Variants in NFIA observed in about 807,000 individuals in gnomAD.
NFIA encodes nuclear factor 1 A-type.
NFIA carries 8 observed loss-of-function variants against 62.8 expected under a neutral mutation model. The observed-to-expected ratio is 0.13, with a 90% CI of 0.07 to 0.23. The LOEUF (loss-of-function observed/expected upper bound fraction) is 0.23. Among genes scored for constraint, NFIA ranks in the 10% least tolerant of loss-of-function variants. The pLI is 1.00. For synonymous variants in NFIA, 235 were observed against 238.1 expected, an observed-to-expected ratio of 0.99 and a Z score of 0.12; for missense variants, 410 against 642.1, an observed-to-expected ratio of 0.64 and a Z score of 3.91.
chr1:61,218,379 C>T (rs897493403), intron 2 of NFIA, among the ~76,000 whole-genome samples: 4 of 152,118 alleles, frequency 2.6e-5, no homozygotes, highest in Non-Finnish European at 4.4e-5. Flanking sequence ...GGAGTATAGT[C>T]GTCGCTTGGT....
intron 6 of NFIA, among the ~76,000 whole-genome samples, chr1:61,368,959 T>G (rs1328310974): frequency 1.3e-5 from 2 of 152,206 alleles, no homozygotes; most frequent in African/African-American, 4.8e-5. Context: ...GTTAAATAAG[T>G]ACCCAATGGC....
In NFIA at chr1:61,458,112, T is replaced by C. The variant is rs1481399998; in HGVS notation, c.*2792T>C. 6.6e-6 allele frequency: 1 copy of C among 151,878 alleles called. No individual in the cohort carries two copies. Among genetic ancestry groups the C allele is most frequent in the African/African-American group, 2.4e-5 (1 of 41,328 alleles). The allele number at this position is 151,878 out of a possible 1,614,324, so 9.4% of individuals were successfully genotyped here. A position where few individuals can be genotyped will look rare whatever the true frequency, so the allele number is the denominator to read the frequency against. On this transcript the variant is annotated 3_prime_UTR_variant, in exon 11 of 11. Transcript: ENST00000403491. ...ATTGTCAGTGTATGGTGTCACTTCC[T>C]ATAGCCAGCCAGCATACTTTGCCTT...
At chr1:61,169,530 A>G (rs1466078012) in intron 2 of NFIA, among the ~76,000 whole-genome samples, 1 of 152,210 alleles carries the variant, frequency 6.6e-6, no homozygotes, top group Non-Finnish European at 1.5e-5. Flanking sequence ...CACAATTTCC[A>G]GTGCAATTAC....
At position 61,256,434 on chromosome 1, in the gene NFIA, TAAA is replaced by T. The variant is rs5774549; in HGVS notation, c.560-21064_560-21062del. On this transcript the variant is annotated intron_variant, in intron 2 of 10. Transcript: ENST00000403491. ...CTGGGTGAGAAAGTGAGACTCCATC[TAAA>T]AAAAAAAAAAAAAAAAAAAAATCTC... is the stretch of plus-strand genomic sequence containing the variant. Among the ~76,000 whole-genome samples, 432 of 101,990 alleles carry T rather than the reference TAAA, an allele frequency of 4.2e-3. 1 individual carries two copies. Among genetic ancestry groups the T allele is most frequent in the East Asian group, 0.014 (46 of 3,404 alleles). The allele number at this position is 101,990 out of a possible 152,430, so 66.9% of individuals were successfully genotyped here. A position where few individuals can be genotyped will look rare whatever the true frequency, so the allele number is the denominator to read the frequency against.
intron 6 of NFIA, among the ~76,000 whole-genome samples, chr1:61,371,975 AC>A (rs1663911000): frequency 1.3e-5 from 2 of 152,058 alleles, no homozygotes; most frequent in Admixed American, 1.3e-4. Context: ...ATAGCTAGCA[AC>A]CCGTTCTGAT....
intron 3 of NFIA, among the ~76,000 whole-genome samples, chr1:61,307,493 A>G (rs1659865251): frequency 1.3e-5 from 2 of 152,216 alleles, no homozygotes; most frequent in African/African-American, 4.8e-5. Context: ...CAAAAGGACT[A>G]AGAGAACACC....
chr1:61,085,335 T>C (rs1453775450), intron 1 of NFIA, among the ~76,000 whole-genome samples: 3 of 152,176 alleles, frequency 2.0e-5, no homozygotes, highest in Non-Finnish European at 4.4e-5. Context: ...TCCAGAAATA[T>C]CAGCATTCAG....
At chr1:61,201,961 C>A (rs1381333300) in intron 2 of NFIA, among the ~76,000 whole-genome samples, 3 of 151,892 alleles carry the variant, frequency 2.0e-5, no homozygotes, top group Admixed American at 6.6e-5. Context: ...AAAAAAAACA[C>A]TCAGATTCCA....
chr1:61,286,656 T>C (rs1658521899), intron 3 of NFIA, among the ~76,000 whole-genome samples: 1 of 152,310 alleles, frequency 6.6e-6, no homozygotes, highest in South Asian at 2.1e-4. Context: ...AATCCTACTC[T>C]TAATTTAGCT....
chr1:61,361,100 CAG>C (rs1007938127), intron 6 of NFIA, among the ~76,000 whole-genome samples: 2 of 152,162 alleles, frequency 1.3e-5, no homozygotes, highest in African/African-American at 2.4e-5. Context: ...ATGGGAAGCG[CAG>C]AGATGGTGGT....
chr1:61,266,701 G>A (rs1038999037), intron 2 of NFIA, among the ~76,000 whole-genome samples: 2 of 152,128 alleles, frequency 1.3e-5, no homozygotes, highest in African/African-American at 4.8e-5. Flanking sequence ...TACCTGGCCT[G>A]AAAGAGCTAT....
At chr1:61,184,511 G>A (rs1395393235) in intron 2 of NFIA, among the ~76,000 whole-genome samples, 1 of 152,248 alleles carries the variant, frequency 6.6e-6, no homozygotes, top group Non-Finnish European at 1.5e-5. Context: ...TGAGCTTTGT[G>A]CATTCTTTAT....
chr1:61,355,252 T>C (rs1446072267), intron 5 of NFIA, among the ~76,000 whole-genome samples: 2 of 152,066 alleles, frequency 1.3e-5, no homozygotes, highest in Non-Finnish European at 2.9e-5. Flanking sequence ...CCCTCAAGTG[T>C]TTCTGGGAAA....
intron 2 of NFIA, among the ~76,000 whole-genome samples, chr1:61,226,711 T>A (rs1441701931): frequency 6.6e-6 from 1 of 152,212 alleles, no homozygotes; most frequent in East Asian, 1.9e-4. Context: ...TATTAAAAAA[T>A]TTTATTTAAC....
intron 2 of NFIA, among the ~76,000 whole-genome samples, chr1:61,222,482 T>C (rs1019593723): frequency 6.6e-6 from 1 of 152,104 alleles, no homozygotes; most frequent in Non-Finnish European, 1.5e-5. Flanking sequence ...TTGGGGTGAA[T>C]GTTACCAGGA....
intron 2 of NFIA, among the ~76,000 whole-genome samples, chr1:61,248,620 G>A (rs1655805122): frequency 6.6e-6 from 1 of 152,176 alleles, no homozygotes; most frequent in African/African-American, 2.4e-5. Context: ...GTTATTTAAA[G>A]GTAATCCCAA....
chr1:61,117,832 G>C (rs534273629), intron 2 of NFIA, among the ~76,000 whole-genome samples: 1 of 152,072 alleles, frequency 6.6e-6, no homozygotes, highest in East Asian at 1.9e-4. Context: ...CTATAATCTC[G>C]TGATAAAAGT....
chr1:61,296,680 T>C (rs894097497), intron 3 of NFIA, among the ~76,000 whole-genome samples: 1 of 152,190 alleles, frequency 6.6e-6, no homozygotes, highest in Admixed American at 6.6e-5. Flanking sequence ...TATCTCTGCT[T>C]TTGAGCCTCG....
At chr1:61,364,727 A>G (rs2100453381) in intron 6 of NFIA, among the ~76,000 whole-genome samples, 1 of 152,310 alleles carries the variant, frequency 6.6e-6, no homozygotes, top group East Asian at 1.9e-4. Flanking sequence ...AAGAATCCCA[A>G]CAGTGAATCC....
Sources: gnomAD v4.1 joint callset for allele counts (sites outside exome capture counted in the v4.1 genomes callset) on GRCh38, gnomAD v4.1.1 for gene constraint, MANE v1.5 for transcripts, NCBI Gene and HGNC (gene_info 2026-07-23, HGNC 2026-07-21) for gene names.